The following PTPRS variants were observed in gnomAD, a reference collection of about 807,000 sequenced individuals.
The protein encoded by PTPRS is receptor-type tyrosine-protein phosphatase S.
Under a neutral mutation model 215.3 loss-of-function variants are expected in PTPRS, and 63 were observed. That is an observed-to-expected ratio of 0.29 (90% CI 0.24 to 0.36). The LOEUF (loss-of-function observed/expected upper bound fraction) is 0.36, where lower values mean the gene tolerates loss of function less well. Among genes scored for constraint, PTPRS ranks in the 10% least tolerant of loss-of-function variants. The probability of loss-of-function intolerance (pLI) is 1.00; values close to 1 mark genes in which losing one functional copy is unlikely to be tolerated. For synonymous variants in PTPRS, 1,404 were observed against 1,191.4 expected, an observed-to-expected ratio of 1.18 and a Z score of -3.68; for missense variants, 2,258 against 2,825.8, an observed-to-expected ratio of 0.80 and a Z score of 4.56.
chr19:5,269,161 G>A (rs2046688448), intron 4 of PTPRS, among the ~76,000 whole-genome samples: 1 of 152,072 alleles, frequency 6.6e-6, no homozygotes, highest in Non-Finnish European at 1.5e-5. Context: ...GTACATGTGT[G>A]CCGCATGTAT....
intron 1 of PTPRS, among the ~76,000 whole-genome samples, chr19:5,327,045 T>C (rs1387806362): frequency 6.6e-6 from 1 of 152,150 alleles, no homozygotes; most frequent in Non-Finnish European, 1.5e-5. Flanking sequence ...CCACTGAGGC[T>C]GAGGTGGTCC....
chr19:5,283,946 GACTC>G (rs1276874236), intron 2 of PTPRS, among the ~76,000 whole-genome samples: 4 of 152,088 alleles, frequency 2.6e-5, no homozygotes, highest in African/African-American at 9.7e-5. Context: ...CAGGCACTGG[GACTC>G]ACGCCTGTAA....
At chr19:5,228,281 G>A (rs1006047033) in intron 16 of PTPRS, among the ~76,000 whole-genome samples, 1 of 148,874 alleles carries the variant, frequency 6.7e-6, no homozygotes, top group East Asian at 2.0e-4. Context: ...GGAGGTGGAG[G>A]TTGCAGTGAG....
In PTPRS at chr19:5,231,457, C is replaced by T; in HGVS notation, c.2008G>A (p.Glu670Lys). ...PLGSEDPEPK[E>K]VNGIPPTTTQ... The stretch of plus-strand genomic sequence containing the variant: ...GTGGTCGGGGGGATGCCGTTCACCT[C>T]CTTGGGTTCCGGGTCCTCTGAGCCC... Residue 670 changes from glutamate (E) to lysine (K), a missense_variant, in exon 14 of 38, where the codon GAG becomes AAG. Coordinates refer to ENST00000262963, the MANE Select transcript of PTPRS (RefSeq NM_002850.4). The T allele has an allele frequency of 6.2e-7, 1 of 1,612,948 alleles. No homozygotes were observed. Among genetic ancestry groups the T allele is most frequent in the Non-Finnish European group, 8.5e-7 (1 of 1,179,884 alleles).
At chr19:5,239,547 C>G (rs1046076942) in intron 12 of PTPRS, among the ~76,000 whole-genome samples, 3 of 148,170 alleles carry the variant, frequency 2.0e-5, no homozygotes, top group African/African-American at 7.5e-5. Context: ...GAGAAGGAGA[C>G]AGATACAGAG....
At chr19:5,218,393 T>A in intron 25 of PTPRS, 27 bp downstream of exon 25, 9 of 1,597,636 alleles carry the variant, frequency 5.6e-6, no homozygotes, top group Non-Finnish European at 7.7e-6. Flanking sequence ...GTTGGTGGCA[T>A]CCCTGGTACC....
intron 13 of PTPRS, among the ~76,000 whole-genome samples, chr19:5,238,682 G>C (rs917774708): frequency 1.3e-5 from 2 of 152,214 alleles, no homozygotes; most frequent in Non-Finnish European, 2.9e-5. Context: ...GTCTCAACCC[G>C]GGTCACCAGG....
intron 5 of PTPRS, among the ~76,000 whole-genome samples, chr19:5,264,378 T>C (rs772399910): frequency 6.6e-6 from 1 of 152,178 alleles, no homozygotes. Flanking sequence ...TACATACCCA[T>C]TGAAGCTGGT....
rs528765200 is a variant in PTPRS, at chr19:5,259,774, T to C, written c.595+1031A>G. 8.5e-5 allele frequency among the ~76,000 whole-genome samples: 13 copies of C among 152,290 alleles called. No individual in the cohort carries two copies. In the East Asian group the frequency reaches 2.5e-3, roughly 29 times the overall value. ...AAATCCAGACTGAGCTTTCCAGCCT[T>C]GTTTGTGACTATCCCACAGAAATGA... On this transcript the variant is annotated intron_variant, in intron 7 of 37. Transcript: ENST00000262963.
chr19:5,301,735 C>A (rs2049310639), intron 1 of PTPRS, among the ~76,000 whole-genome samples: 1 of 152,018 alleles, frequency 6.6e-6, no homozygotes, highest in African/African-American at 2.4e-5. Flanking sequence ...CACAGTCTCC[C>A]CCCAATCCTC....
intron 16 of PTPRS, among the ~76,000 whole-genome samples, chr19:5,227,767 G>A (rs2042631632): frequency 6.6e-6 from 1 of 152,168 alleles, no homozygotes; most frequent in Non-Finnish European, 1.5e-5. Context: ...TTAGGGAGGA[G>A]GGGCTCTTGT....
chr19:5,228,345 G>GAAAAAAA lies in PTPRS; in HGVS notation c.2376+970_2376+971insTTTTTTT, dbSNP rs1491502602. Among the ~76,000 whole-genome samples, 36 of 33,264 alleles carry GAAAAAAA rather than the reference G, an allele frequency of 1.1e-3. 2 individuals carry two copies. The highest frequency in any genetic ancestry group is 2.8e-3 in the African/African-American group (29 of 10,512). 21.8% of individuals were successfully genotyped at this position (33,264 alleles called of 152,430 possible). ...GGGCGATAGTGTGAGACTCCGTCTG[G>GAAAAAAA]AGAAAAAAAAAAAAAAAAGAGACAG... On this transcript the variant is annotated intron_variant, in intron 16 of 37. Transcript: ENST00000262963.
Position 5,229,642 on chromosome 19 carries a change from T to C in PTPRS, c.2198A>G (p.Asn733Ser). ...PPRKVEAEAL[N>S]ATAIRVLWRS... Reference sequence around the variant, plus strand: ...CCACAGCACGCGGATGGCCGTGGCGTTGAGCGCCTCCGCCTCCACCTTCCG... The same window carrying C: ...CCACAGCACGCGGATGGCCGTGGCGCTGAGCGCCTCCGCCTCCACCTTCCG... Residue 733 changes from asparagine to serine, a missense_variant, in exon 15 of 38, where the codon AAC becomes AGC. Transcript: ENST00000262963. The C allele has an allele frequency of 1.5e-6, 2 of 1,333,878 alleles. No homozygotes were observed. The highest frequency in any genetic ancestry group is 4.1e-5 in the South Asian group (2 of 48,702). 82.6% of individuals were successfully genotyped at this position (1,333,878 alleles called of 1,614,324 possible).
intron 1 of PTPRS, among the ~76,000 whole-genome samples, chr19:5,309,827 T>A (rs1251390349): frequency 6.6e-6 from 1 of 151,962 alleles, no homozygotes; most frequent in African/African-American, 2.4e-5. Flanking sequence ...CTGGCCTGGA[T>A]CTGTGCCGTC....
chr19:5,261,454 G>A (rs1391879065), intron 6 of PTPRS, among the ~76,000 whole-genome samples: 2 of 152,170 alleles, frequency 1.3e-5, no homozygotes, highest in Non-Finnish European at 2.9e-5. Context: ...GGGCCTTGGA[G>A]GCAGGGATGG....
rs560435939 is a variant in PTPRS, at chr19:5,326,541, C to T, written c.-95+14123G>A. 5.9e-5 allele frequency among the ~76,000 whole-genome samples: 9 copies of T among 152,128 alleles called. No individual in the cohort carries two copies. In the East Asian group the frequency reaches 1.8e-3, roughly 30 times the overall value. The stretch of plus-strand genomic sequence containing the variant: ...TTAAACAAAACGTGTCAAGTACTGG[C>T]TGGGCACGGTGGCTCGTGCCTGTAA... On this transcript the variant is annotated intron_variant, in intron 1 of 37. Coordinates refer to ENST00000262963, the MANE Select transcript of PTPRS (RefSeq NM_002850.4).
chr19:5,232,855 G>C (rs1397134255), intron 13 of PTPRS, among the ~76,000 whole-genome samples: 2 of 151,802 alleles, frequency 1.3e-5, no homozygotes, highest in Non-Finnish European at 2.9e-5. Flanking sequence ...GTGGCAAGGG[G>C]AACAGCAACA....
intron 6 of PTPRS, among the ~76,000 whole-genome samples, 175 bp from the exon 7 acceptor site, chr19:5,260,997 A>C (rs950804817): frequency 6.6e-6 from 1 of 151,936 alleles, no homozygotes; most frequent in Non-Finnish European, 1.5e-5. Flanking sequence ...GGAAGCTAGG[A>C]GAGGCCTCCT....
Position 5,273,465 on chromosome 19 carries a change from T to G in PTPRS, c.356A>C (p.His119Pro). 1 of 1,614,196 alleles carries G rather than the reference T, an allele frequency of 6.2e-7. No homozygotes were observed. Among genetic ancestry groups the G allele is most frequent in the Non-Finnish European group, 8.5e-7 (1 of 1,180,042 alleles). ...AQNSVGEITV[H>P]AKLTVLREDQ... ...ACCTCGGAGGACAGTAAGCTTGGCATGGACTGTGATCTCCCCAACCGAGTT... is the reference window on the plus strand; with the variant it reads ...ACCTCGGAGGACAGTAAGCTTGGCAGGGACTGTGATCTCCCCAACCGAGTT... Residue 119 changes from histidine (H) to proline (P), a missense_variant, in exon 4 of 38, where the codon CAT (histidine) becomes CCT (proline). By Grantham distance (77) the His-to-Pro change is moderately conservative. Transcript: ENST00000262963.
Sources: gnomAD v4.1 joint callset for allele counts (sites outside exome capture counted in the v4.1 genomes callset) on GRCh38, gnomAD v4.1.1 for gene constraint, MANE v1.5 for transcripts, NCBI Gene and HGNC (gene_info 2026-07-23, HGNC 2026-07-21) for gene names.